The following TRRAP variants were observed in gnomAD, a reference collection of about 807,000 sequenced individuals.
The protein encoded by TRRAP is transformation/transcription domain associated protein.
TRRAP carries 41 observed loss-of-function variants against 438.8 expected under a neutral mutation model. The observed-to-expected ratio is 0.09, with a 90% confidence interval of 0.07 to 0.12. The LOEUF (loss-of-function observed/expected upper bound fraction) is 0.12. Ranked by LOEUF, TRRAP falls within the 10% of genes least tolerant of loss-of-function variation. TRRAP has a pLI of 1.00. For synonymous variants in TRRAP, 1,994 were observed against 1,962.9 expected (o/e 1.02, Z -0.42); for missense variants, 3,122 against 5,055.1 (o/e 0.62, Z 11.60).
intron 63 of TRRAP, 55 bp downstream of exon 63, chr7:98,989,021 G>T: frequency 6.4e-7 from 1 of 1,562,638 alleles, no homozygotes. Flanking sequence ...TTCAGATTTG[G>T]ACAGAAATTT....
chr7:99,010,455 C>T (rs1438067346), intron 70 of TRRAP, among the ~76,000 whole-genome samples: 2 of 152,222 alleles, frequency 1.3e-5, no homozygotes, highest in South Asian at 2.1e-4. Context: ...CAGCCATTCC[C>T]ACAGAGCACG....
chr7:98,884,532 G>T (rs1248866929), intron 3 of TRRAP, among the ~76,000 whole-genome samples: 2 of 152,202 alleles, frequency 1.3e-5, no homozygotes, highest in African/African-American at 4.8e-5. Flanking sequence ...ACCATGCCCA[G>T]CCGCATCTCT....
In TRRAP at chr7:99,012,676, CTG is replaced by C. The variant is rs1230070204; in HGVS notation, c.*324_*325del. 2.6e-6 allele frequency: 1 copy of C among 382,116 alleles called. No individual in the cohort carries two copies. Among genetic ancestry groups the C allele is most frequent in the African/African-American group, 2.0e-5 (1 of 48,790 alleles). 23.7% of individuals were successfully genotyped at this position (382,116 alleles called of 1,614,324 possible). A position where few individuals can be genotyped will look rare whatever the true frequency, so the allele number is the denominator to read the frequency against. ...GTCCTTTTTTTATGGTGTCCTCCCT[CTG>C]TGAATGTACAGGCGGAACTGTACGA... On this transcript the variant is annotated 3_prime_UTR_variant, in exon 73 of 73. Transcript: ENST00000456197. This position sits in a 1 kb window ranked among gnomAD's most constrained non-coding sequence, Gnocchi z 5.9.
intron 40 of TRRAP, 126 bp downstream of exon 40, chr7:98,953,559 CAG>C (rs1290386822): frequency 1.5e-6 from 2 of 1,361,514 alleles, no homozygotes; most frequent in Non-Finnish European, 2.0e-6. Flanking sequence ...CATGAAAACA[CAG>C]ACACTGTATG....
chr7:98,964,978 T>C (rs1218419779), intron 48 of TRRAP, among the ~76,000 whole-genome samples: 1 of 152,220 alleles, frequency 6.6e-6, no homozygotes, highest in African/African-American at 2.4e-5. Flanking sequence ...TTAAGCTGGG[T>C]ACGGTGGCAC....
intron 58 of TRRAP, among the ~76,000 whole-genome samples, chr7:98,980,034 C>T (rs1159218565): frequency 6.6e-6 from 1 of 152,110 alleles, no homozygotes; most frequent in Non-Finnish European, 1.5e-5. Flanking sequence ...AACTAATGTT[C>T]GAGTCCAGAC....
intron 56 of TRRAP, 76 bp downstream of exon 56, chr7:98,977,152 C>A: frequency 6.3e-7 from 1 of 1,588,954 alleles, no homozygotes; most frequent in South Asian, 1.1e-5. Context: ...AAAATGTCCT[C>A]AAGTCGGAGT....
intron 21 of TRRAP, among the ~76,000 whole-genome samples, chr7:98,923,353 G>T (rs1031997230): frequency 6.6e-6 from 1 of 152,188 alleles, no homozygotes; most frequent in South Asian, 2.1e-4. Flanking sequence ...TCACCATGGT[G>T]CCTGTCAAGG....
chr7:99,002,320 C>T (rs1793967383), intron 67 of TRRAP, among the ~76,000 whole-genome samples: 1 of 152,228 alleles, frequency 6.6e-6, no homozygotes, highest in African/African-American at 2.4e-5. Flanking sequence ...TGAATCAGCT[C>T]TTCAGCTCTT....
chr7:98,933,200 G>A, intron 26 of TRRAP, 41 bp from the exon 27 acceptor site: 1 of 1,563,878 alleles, frequency 6.4e-7, no homozygotes, highest in Non-Finnish European at 8.7e-7. Context: ...TGTGTCTCAA[G>A]GGGCAGCTGG....
rs189187860 is a variant in TRRAP at position 98,981,732 on chromosome 7, G to A, written c.8635-37G>A. The A allele has an allele frequency of 2.5e-3, 3,925 of 1,558,480 alleles. 7 individuals are homozygous for A. The highest frequency in any genetic ancestry group is 3.2e-3 in the Non-Finnish European group (3,700 of 1,156,640). Reference sequence around the variant, plus strand: ...GACACTTTACACTGAGGGAAAGAAGGCCCCTCACGTCCTGTGTCACGTTCT... The same window carrying A: ...GACACTTTACACTGAGGGAAAGAAGACCCCTCACGTCCTGTGTCACGTTCT... On this transcript the variant is annotated intron_variant, in intron 58 of 72. Coordinates refer to ENST00000456197, the MANE Select transcript of TRRAP (RefSeq NM_001375524.1).
chr7:98,991,611 G>A (rs1793436936), intron 64 of TRRAP, among the ~76,000 whole-genome samples: 1 of 152,306 alleles, frequency 6.6e-6, no homozygotes, highest in East Asian at 1.9e-4. Flanking sequence ...AGATTCAAGT[G>A]ACATGGTACT....
At position 98,965,910 on chromosome 7, in the gene TRRAP, T is replaced by G. The variant is rs1792131632; in HGVS notation, c.7176+15T>G. 1 of 1,613,624 alleles carries G rather than the reference T, an allele frequency of 6.2e-7. No individual in the cohort carries two copies. The highest frequency in any genetic ancestry group is 8.5e-7 in the Non-Finnish European group (1 of 1,179,780). On this transcript the variant is annotated intron_variant, in intron 49 of 72. Coordinates refer to ENST00000456197, the MANE Select transcript of TRRAP (RefSeq NM_001375524.1). ...CAGCCAATCAGGTGAGCTGGGACGG[T>G]GTGCCATGTGATCTCCCTTTCAATA...
chr7:98,945,979 G>A (rs1554416702), intron 33 of TRRAP, 29 bp downstream of exon 33: 9 of 1,428,542 alleles, frequency 6.3e-6, no homozygotes, highest in Non-Finnish European at 8.3e-6. Context: ...CTACAGGAGG[G>A]GGTTGTTGTC....
At chr7:98,932,792 T>C (rs1790382343) in intron 26 of TRRAP, among the ~76,000 whole-genome samples, 2 of 152,228 alleles carry the variant, frequency 1.3e-5, no homozygotes, top group South Asian at 4.1e-4. Context: ...TTATTTTTTA[T>C]TTTTTCCTCA....
At position 98,951,012 on chromosome 7, in the gene TRRAP, C is replaced by G; in HGVS notation, c.5463+8C>G. ...AGTGTGTTTATTACCAAGGTGGTAT[C>G]ACTATGTGTGTGGGTGTGAGAAGTA... is the stretch of plus-strand genomic sequence containing the variant. On this transcript the variant is annotated splice_region_variant and intron_variant, in intron 39 of 72. Transcript: ENST00000456197. 1 of 1,582,052 alleles carries G rather than the reference C, an allele frequency of 6.3e-7. No homozygotes were observed. The highest frequency in any genetic ancestry group is 8.6e-7 in the Non-Finnish European group (1 of 1,166,146).
intron 11 of TRRAP, among the ~76,000 whole-genome samples, chr7:98,902,908 T>TAAAAAA (rs34223624): frequency 2.3e-5 from 3 of 132,144 alleles, no homozygotes; most frequent in African/African-American, 5.8e-5. Context: ...CCCCCATTTC[T>TAAAAAA]AAAAAAAAAA....
rs549126155 is a variant in TRRAP, at chr7:98,994,242, T to C, written c.10048-345T>C. Among the ~76,000 whole-genome samples the C allele has an allele frequency of 6.6e-6, 1 of 152,216 alleles. No individual in the cohort carries two copies. The highest frequency in any genetic ancestry group is 2.4e-5 in the African/African-American group (1 of 41,460). ...GCTGTGAAGTCTCGTGTGTGCACAG[T>C]GCACGCAGACACGCGGTGGGAACAG... is the stretch of plus-strand genomic sequence containing the variant. On this transcript the variant is annotated intron_variant, in intron 66 of 72. Transcript: ENST00000456197. The surrounding 1 kb of genome is among the most constrained non-coding windows in gnomAD (Gnocchi z 4.8).
chr7:98,938,937 G>A (rs1416381584), intron 30 of TRRAP, among the ~76,000 whole-genome samples: 1 of 152,118 alleles, frequency 6.6e-6, no homozygotes, highest in African/African-American at 2.4e-5. Flanking sequence ...TACAGTCTTG[G>A]GTGAGAACAT....
Sources: allele counts gnomAD v4.1 joint callset (sites outside exome capture counted in the v4.1 genomes callset), GRCh38; gene constraint gnomAD v4.1.1; non-coding constraint Gnocchi (gnomAD v3.1); transcripts MANE v1.5; gene names NCBI Gene and HGNC (gene_info 2026-07-23, HGNC 2026-07-21).